Variants in NOX4 observed in about 807,000 individuals in gnomAD.
NOX4 encodes kidney oxidase-1.
Under a neutral mutation model 87.6 loss-of-function variants are expected in NOX4, and 69 were observed. The observed-to-expected ratio is 0.79, with a 90% CI of 0.65 to 0.96. The LOEUF (loss-of-function observed/expected upper bound fraction) is 0.96, where lower values mean the gene tolerates loss of function less well. Among genes scored for constraint, NOX4 ranks in the 40% least tolerant of loss-of-function variants. The pLI, the probability that NOX4 is intolerant of heterozygous loss-of-function variation, is 0.00. For missense variants in NOX4, 680 were observed against 681.5 expected (o/e 1.00, Z 0.02); for synonymous variants, 275 against 238.2 (o/e 1.15, Z -1.42).
chr11:89,545,435 A>T, the NOX4 span: 1 of 152,182 alleles, frequency 6.6e-6, no homozygotes, highest in Non-Finnish European at 1.5e-5. Flanking sequence ...ACCTCTGCAG[A>T]TTATAAAAAT....
chr11:89,486,638 ATATG>A (rs1946629898), intron 2 of NOX4, among the ~76,000 whole-genome samples: 1 of 124,946 alleles, frequency 8.0e-6, no homozygotes, highest in Non-Finnish European at 1.7e-5. Context: ...ATATACATAT[ATATG>A]TGTGTATATA....
chr11:89,452,234 A>T (rs753565868), intron 2 of NOX4, among the ~76,000 whole-genome samples: 1 of 152,052 alleles, frequency 6.6e-6, no homozygotes, highest in African/African-American at 2.4e-5. Flanking sequence ...TATATACTGC[A>T]CCTCCACATT....
intron 8 of NOX4, among the ~76,000 whole-genome samples, chr11:89,413,922 TA>T (rs1206554904): frequency 6.6e-6 from 1 of 152,094 alleles, no homozygotes; most frequent in African/African-American, 2.4e-5. Flanking sequence ...TCATAAAAAT[TA>T]AAAATAGAAA....
chr11:89,366,706 A>T (rs1304332045), intron 12 of NOX4, among the ~76,000 whole-genome samples: 1 of 151,894 alleles, frequency 6.6e-6, no homozygotes, highest in Non-Finnish European at 1.5e-5. Flanking sequence ...AAAAGAAAAA[A>T]AAAAAAAAAA....
intron 2 of NOX4, among the ~76,000 whole-genome samples, chr11:89,454,522 AT>A (rs1945103059): frequency 6.6e-6 from 1 of 152,136 alleles, no homozygotes; most frequent in East Asian, 1.9e-4. Context: ...ACCTAAGACT[AT>A]TTAGCCAACT....
chr11:89,458,820 T>C (rs2135408869), intron 2 of NOX4, among the ~76,000 whole-genome samples: 1 of 152,206 alleles, frequency 6.6e-6, no homozygotes, highest in East Asian at 1.9e-4. Context: ...TCCGGGAAGG[T>C]TGCAGAGAAA....
chr11:89,353,414 CA>C (rs1327937930), intron 13 of NOX4, among the ~76,000 whole-genome samples: 2 of 152,112 alleles, frequency 1.3e-5, no homozygotes, highest in Non-Finnish European at 2.9e-5. Flanking sequence ...CCTCTACCAG[CA>C]AAAAGTTTAT....
intron 2 of NOX4, among the ~76,000 whole-genome samples, chr11:89,472,131 GATGA>G (rs1945971920): frequency 2.0e-5 from 3 of 152,120 alleles, no homozygotes; most frequent in Non-Finnish European, 4.4e-5. Context: ...ACCAGAAAAT[GATGA>G]ACAATAATTG....
intron 12 of NOX4, among the ~76,000 whole-genome samples, chr11:89,369,695 T>A (rs1433466389): frequency 6.6e-6 from 1 of 152,086 alleles, no homozygotes; most frequent in Non-Finnish European, 1.5e-5. Context: ...GAATATGAAT[T>A]ATGTAAAATC....
chr11:89,551,726 A>T, the NOX4 span, among the ~76,000 whole-genome samples: 1 of 152,070 alleles, frequency 6.6e-6, no homozygotes, highest in East Asian at 1.9e-4. Context: ...ATATACAATC[A>T]TGTCATCTGC....
chr11:89,400,098 A>C lies in NOX4; in HGVS notation c.1012-19T>G. ...TAATATACTAAAAAGCAACAAACAGATAAGTTTTAAATGACCAATTAAGAA... is the reference window on the plus strand; with the variant it reads ...TAATATACTAAAAAGCAACAAACAGCTAAGTTTTAAATGACCAATTAAGAA... On this transcript the variant is annotated intron_variant, in intron 10 of 17. Coordinates refer to ENST00000263317, the MANE Select transcript of NOX4 (RefSeq NM_016931.5). 1 of 1,592,414 alleles carries C rather than the reference A, an allele frequency of 6.3e-7. No individual in the cohort carries two copies. Among genetic ancestry groups the C allele is most frequent in the Non-Finnish European group, 8.6e-7 (1 of 1,165,322 alleles).
intron 11 of NOX4, among the ~76,000 whole-genome samples, chr11:89,397,678 T>C (rs932224459): frequency 1.3e-5 from 2 of 152,020 alleles, no homozygotes; most frequent in African/African-American, 4.8e-5. Flanking sequence ...CAAAGAATGC[T>C]ATAAACACCT....
At chr11:89,489,028 G>T in intron 2 of NOX4, 1 of 701,100 alleles carries the variant, frequency 1.4e-6, no homozygotes, top group Non-Finnish European at 2.6e-6. Flanking sequence ...AAATGAAATG[G>T]GTTTAGCTTT....
chr11:89,362,647 T>C (rs535799534), intron 12 of NOX4, among the ~76,000 whole-genome samples: 2 of 152,200 alleles, frequency 1.3e-5, no homozygotes, highest in African/African-American at 2.4e-5. Flanking sequence ...TATATAGATA[T>C]ATATTTAAAG....
chr11:89,497,327 C>T (rs2135508668), intron 1 of NOX4, among the ~76,000 whole-genome samples: 1 of 152,268 alleles, frequency 6.6e-6, no homozygotes, highest in Non-Finnish European at 1.5e-5. Flanking sequence ...AAAAAATATT[C>T]TTAATACCCG....
chr11:89,380,389 G>C (rs1940190970), intron 11 of NOX4, among the ~76,000 whole-genome samples: 1 of 152,118 alleles, frequency 6.6e-6, no homozygotes, highest in Non-Finnish European at 1.5e-5. Flanking sequence ...CATGGTCACT[G>C]CTGAACCTGG....
intron 13 of NOX4, among the ~76,000 whole-genome samples, chr11:89,349,888 T>C (rs554554481): frequency 1.3e-5 from 2 of 152,326 alleles, no homozygotes; most frequent in South Asian, 2.1e-4. Context: ...GTCCAAGCTG[T>C]ATTTACAAGG....
the NOX4 span, among the ~76,000 whole-genome samples, chr11:89,510,219 G>A: frequency 6.6e-6 from 1 of 152,054 alleles, no homozygotes; most frequent in East Asian, 1.9e-4. Flanking sequence ...ATCTTACAGA[G>A]TGACAGCCTG....
intron 5 of NOX4, chr11:89,443,306 A>C (rs1459790828): frequency 6.6e-6 from 1 of 151,818 alleles, no homozygotes; most frequent in African/African-American, 2.4e-5. Context: ...AACCTAGAAA[A>C]CTCTGGTGAT....
Sources: gnomAD v4.1 joint callset for allele counts (sites outside exome capture counted in the v4.1 genomes callset) on GRCh38, gnomAD v4.1.1 for gene constraint, MANE v1.5 for transcripts, NCBI Gene and HGNC (gene_info 2026-07-23, HGNC 2026-07-21) for gene names.